Variants in ITPRID1 observed in about 807,000 individuals in gnomAD.
The protein encoded by ITPRID1 is ITPR interacting domain containing 1, also known as protein ITPRID1.
In ITPRID1, 96 loss-of-function variants were observed where a neutral mutation model predicts 95.4. The observed-to-expected ratio is 1.01, with a 90% CI of 0.85 to 1.19. The LOEUF (loss-of-function observed/expected upper bound fraction) is 1.19, where lower values mean the gene tolerates loss of function less well. Among genes scored for constraint, ITPRID1 ranks in the 50% most tolerant of loss-of-function variants. ITPRID1 has a pLI of 0.00. For synonymous variants in ITPRID1, 510 were observed against 453.6 expected (o/e 1.12, Z -1.58); for missense variants, 1,339 against 1,252.9 (o/e 1.07, Z -1.04).
rs923292314 is a variant in ITPRID1, at chr7:31,578,300, C to CAGGCTCCTCCT, written c.1037_1047dup (p.Ser350ArgfsTer59). 3 of 1,613,954 alleles carry CAGGCTCCTCCT rather than the reference C, an allele frequency of 1.9e-6. No homozygotes were observed. Among genetic ancestry groups the CAGGCTCCTCCT allele is most frequent in the Non-Finnish European group, 2.5e-6 (3 of 1,179,848 alleles). The stretch of plus-strand genomic sequence containing the variant: ...GCCTTGCTCATCTATGCCGGCCAAG[C>CAGGCTCCTCCT]AGGCTCCTCCTTCCTGTGTGTCTGA... On this transcript the variant is annotated frameshift_variant, in exon 9 of 15. Coordinates refer to ENST00000615280, the MANE Select transcript of ITPRID1 (RefSeq NM_001257967.3). LOFTEE classifies it high-confidence loss of function.
chr7:31,658,225 A>G, downstream of ITPRID1: 1 of 1,455,536 alleles, frequency 6.9e-7, no homozygotes, highest in Non-Finnish European at 9.0e-7. Context: ...CTTCCCAGAA[A>G]AATGTTGCAT....
chr7:31,542,067 A>G (rs931557063), intron 1 of ITPRID1, among the ~76,000 whole-genome samples: 2 of 152,176 alleles, frequency 1.3e-5, no homozygotes, highest in African/African-American at 4.8e-5. Flanking sequence ...CCACATTCTC[A>G]TGCCTCCTTA....
intron 10 of ITPRID1, among the ~76,000 whole-genome samples, chr7:31,625,480 G>A (rs1432375834): frequency 6.6e-6 from 1 of 152,078 alleles, no homozygotes; most frequent in African/African-American, 2.4e-5. Flanking sequence ...TAGGGACATG[G>A]ATGAAATTGG....
At chr7:31,516,740 G>A (rs936911570) in intron 1 of ITPRID1, among the ~76,000 whole-genome samples, 12 of 152,180 alleles carry the variant, frequency 7.9e-5, no homozygotes, top group Admixed American at 4.6e-4. Flanking sequence ...AACCTCCAAA[G>A]TAGTGACTTC....
chr7:31,523,210 G>T (rs146162273), intron 1 of ITPRID1, among the ~76,000 whole-genome samples: 59 of 152,248 alleles, frequency 3.9e-4, no homozygotes, highest in South Asian at 4.1e-4. Flanking sequence ...TTGCTAAATC[G>T]CAGACAAAAG....
Position 31,632,059 on chromosome 7 carries a change from T to G in ITPRID1, c.1229-10117T>G, listed in dbSNP as rs185919099. Among the ~76,000 whole-genome samples, 59 of 152,332 alleles carry G rather than the reference T, an allele frequency of 3.9e-4. No individual in the cohort carries two copies. In the East Asian group the frequency reaches 0.011, roughly 28 times the overall value. The stretch of plus-strand genomic sequence containing the variant: ...CACCATGCTCTTTCCCTGTGGCTTA[T>G]TCTCTTCAGAATATTAACAGTGACT... On this transcript the variant is annotated intron_variant, in intron 10 of 14. Coordinates refer to ENST00000615280, the MANE Select transcript of ITPRID1 (RefSeq NM_001257967.3).
At chr7:31,551,799 G>C (rs1784291690) in intron 2 of ITPRID1, 1 of 334,444 alleles carries the variant, frequency 3.0e-6, no homozygotes, top group Non-Finnish European at 6.1e-6. Context: ...CATGTGATCA[G>C]TGATTATGCA....
rs1791141058 is a variant in ITPRID1 at position 31,653,641 on chromosome 7, T to C, written c.*812T>C. ...TAGCTTTTAAAAAAATCTTTGTAGC[T>C]ATCTCATTTAGAAATAAAATGGGAG... On this transcript the variant is annotated 3_prime_UTR_variant, in exon 15 of 15. Coordinates refer to ENST00000615280, the MANE Select transcript of ITPRID1 (RefSeq NM_001257967.3). The C allele has an allele frequency of 6.6e-6, 1 of 152,218 alleles. No homozygotes were observed. The highest frequency in any genetic ancestry group is 1.9e-4 in the East Asian group (1 of 5,198). The allele number at this position is 152,218 out of a possible 1,614,324, so 9.4% of individuals were successfully genotyped here.
chr7:31,565,643 C>A (rs569483146), intron 5 of ITPRID1, among the ~76,000 whole-genome samples: 2 of 152,150 alleles, frequency 1.3e-5, no homozygotes, highest in East Asian at 3.9e-4. Context: ...GAGGCTGATG[C>A]AGGAGAATCA....
intron 11 of ITPRID1, 34 bp from the exon 12 acceptor site, chr7:31,642,648 G>T: frequency 6.3e-7 from 1 of 1,590,580 alleles, no homozygotes; most frequent in South Asian, 1.1e-5. Context: ...TCCACTTCCT[G>T]ACCTGTTTCC....
chr7:31,623,367 C>T (rs1483921696), intron 10 of ITPRID1, among the ~76,000 whole-genome samples: 1 of 151,876 alleles, frequency 6.6e-6, no homozygotes, highest in African/African-American at 2.4e-5. Flanking sequence ...AAAACACTGG[C>T]AAACCGAATC....
Position 31,628,735 on chromosome 7 carries a change from C to CG in ITPRID1, c.1229-13441_1229-13440insG, listed in dbSNP as rs1788720635. On this transcript the variant is annotated intron_variant, in intron 10 of 14. Coordinates refer to ENST00000615280, the MANE Select transcript of ITPRID1 (RefSeq NM_001257967.3). ...CCTCCGAAAGTGCTGGGATTACAGGCTTGAGCCACCGCGCCCGGCCTGAGC... is the reference window on the plus strand; with the variant it reads ...CCTCCGAAAGTGCTGGGATTACAGGCGTTGAGCCACCGCGCCCGGCCTGAGC... 6.6e-5 allele frequency among the ~76,000 whole-genome samples: 10 copies of CG among 152,240 alleles called. No homozygotes were observed. In the South Asian group the frequency reaches 1.0e-3, roughly 16 times the overall value.
chr7:31,640,103 G>A (rs182465047), intron 10 of ITPRID1, among the ~76,000 whole-genome samples: 5 of 152,242 alleles, frequency 3.3e-5, no homozygotes, highest in African/African-American at 9.6e-5. Flanking sequence ...TTCAGGTCTT[G>A]CTTTTAAGGC....
rs981021156 is a variant in ITPRID1 at position 31,587,877 on chromosome 7, G to C, written c.1228+4686G>C. 1.1e-4 allele frequency among the ~76,000 whole-genome samples: 16 copies of C among 151,870 alleles called. 1 individual carries two copies. The highest frequency in any genetic ancestry group is 3.4e-3 in the Middle Eastern group (1 of 294). ...TGATCTTTGACAAACCTGAGAAAAAGAAGCAATGGGGAAAGGATTCCCTAT... is the reference window on the plus strand; with the variant it reads ...TGATCTTTGACAAACCTGAGAAAAACAAGCAATGGGGAAAGGATTCCCTAT... On this transcript the variant is annotated intron_variant, in intron 10 of 14. Transcript: ENST00000615280.
intron 10 of ITPRID1, among the ~76,000 whole-genome samples, chr7:31,636,317 C>G (rs1455329859): frequency 6.6e-6 from 1 of 152,186 alleles, no homozygotes; most frequent in Non-Finnish European, 1.5e-5. Flanking sequence ...ACATATCACT[C>G]TGTGCTAGTG....
intron 10 of ITPRID1, among the ~76,000 whole-genome samples, chr7:31,626,156 CTG>C: frequency 6.6e-6 from 1 of 152,326 alleles, no homozygotes; most frequent in South Asian, 2.1e-4. Flanking sequence ...ATCTAAAAAT[CTG>C]TGACTATGTG....
At chr7:31,574,887 C>T in intron 8 of ITPRID1, 145 bp downstream of exon 8, 1 of 729,626 alleles carries the variant, frequency 1.4e-6, no homozygotes, top group Non-Finnish European at 2.3e-6. Flanking sequence ...ATTTCTTGGT[C>T]ATCCTATATG....
rs549350333 is a variant in ITPRID1, at chr7:31,652,019, G to C, written c.2792G>C (p.Arg931Pro). ...GAGTTGGAATTTCAGTTAGGAGACCGGGCTCAGCAAATCAGAGAAGGGATT... is the reference window on the plus strand; with the variant it reads ...GAGTTGGAATTTCAGTTAGGAGACCCGGCTCAGCAAATCAGAGAAGGGATT... ...VAELEFQLGD[R>P]AQQIREGILL... Residue 931 changes from arginine (R) to proline (P), a missense_variant, in exon 14 of 15, where the codon CGG (arginine) becomes CCG (proline). Coordinates refer to ENST00000615280, the MANE Select transcript of ITPRID1 (RefSeq NM_001257967.3). 13 of 1,602,830 alleles carry C rather than the reference G, an allele frequency of 8.1e-6. No individual in the cohort carries two copies. The Admixed American group carries it at 1.2e-4, about 15-fold the overall frequency.
rs1288204436 is a variant in ITPRID1 at position 31,652,938 on chromosome 7, C to G, written c.*109C>G. The stretch of plus-strand genomic sequence containing the variant: ...GAAGGGTCTGCCAACCCATTGTCAG[C>G]TATATCTCTCATATTCTACCCTTTG... On this transcript the variant is annotated 3_prime_UTR_variant, in exon 15 of 15. Coordinates refer to ENST00000615280, the MANE Select transcript of ITPRID1 (RefSeq NM_001257967.3). The G allele has an allele frequency of 2.0e-6, 3 of 1,506,042 alleles. No individual in the cohort carries two copies. Among genetic ancestry groups the G allele is most frequent in the Non-Finnish European group, 2.7e-6 (3 of 1,129,016 alleles). The allele number at this position is 1,506,042 out of a possible 1,614,324, so 93.3% of individuals were successfully genotyped here.
Sources: gnomAD v4.1 joint callset for allele counts (sites outside exome capture counted in the v4.1 genomes callset) on GRCh38, gnomAD v4.1.1 for gene constraint, MANE v1.5 for transcripts, NCBI Gene and HGNC (gene_info 2026-07-23, HGNC 2026-07-21) for gene names.